Variants in FBXO34 observed in about 807,000 individuals in gnomAD.
FBXO34 encodes F-box only protein 34.
Under a neutral mutation model 24.5 loss-of-function variants are expected in FBXO34, and 12 were observed. The observed-to-expected ratio is 0.49, with a 90% confidence interval of 0.31 to 0.79. The LOEUF is 0.79. Among genes scored for constraint, FBXO34 ranks in the 30% least tolerant of loss-of-function variants. FBXO34 has a pLI of 0.04. For missense variants in FBXO34, 823 were observed against 857.7 expected, an observed-to-expected ratio of 0.96 and a Z score of 0.51; for synonymous variants, 320 against 311.9, an observed-to-expected ratio of 1.03 and a Z score of -0.27.
chr14:55,322,795 A>G (rs1264627772), intron 1 of FBXO34, among the ~76,000 whole-genome samples: 2 of 152,050 alleles, frequency 1.3e-5, no homozygotes, highest in African/African-American at 2.4e-5. Flanking sequence ...GAGTTACCCA[A>G]CTAAGATTAT....
intron 1 of FBXO34, among the ~76,000 whole-genome samples, chr14:55,310,026 C>T (rs1019026411): frequency 1.5e-5 from 2 of 129,710 alleles, no homozygotes; most frequent in Admixed American, 1.5e-4. Flanking sequence ...TTGTCAGAAC[C>T]CTGAAATAGT....
chr14:55,405,167 T>A, the FBXO34 span, among the ~76,000 whole-genome samples: 1 of 152,196 alleles, frequency 6.6e-6, no homozygotes, highest in Admixed American at 6.5e-5. Context: ...TTTGTTCTGC[T>A]GAGTTCAGTA....
chr14:55,323,976 G>A (rs1445150699), intron 1 of FBXO34, among the ~76,000 whole-genome samples: 2 of 152,088 alleles, frequency 1.3e-5, no homozygotes, highest in Non-Finnish European at 2.9e-5. Context: ...CTGGTGTTTA[G>A]TGTATTCACA....
chr14:55,433,310 T>A, the FBXO34 span, among the ~76,000 whole-genome samples: 1 of 13,472 alleles, frequency 7.4e-5, no homozygotes. Flanking sequence ...TAGATTTCTC[T>A]TTTTTTTTTT....
chr14:55,320,521 G>A (rs932147715), intron 1 of FBXO34, among the ~76,000 whole-genome samples: 2 of 152,204 alleles, frequency 1.3e-5, no homozygotes, highest in African/African-American at 2.4e-5. Flanking sequence ...GGAGGCTGAG[G>A]CGGGCAGATC....
At chr14:55,368,635 G>A (rs957345651), downstream of FBXO34, 5 of 151,854 alleles carry the variant, frequency 3.3e-5, no homozygotes, top group African/African-American at 1.2e-4. Flanking sequence ...CAAAGAGTTC[G>A]GGGAAACAAG....
the FBXO34 span, among the ~76,000 whole-genome samples, chr14:55,421,716 A>G: frequency 1.3e-5 from 2 of 152,074 alleles, no homozygotes; most frequent in African/African-American, 2.4e-5. Flanking sequence ...GCTTGCCTCA[A>G]TTTCCCAAAG....
downstream of FBXO34, among the ~76,000 whole-genome samples, chr14:55,370,412 T>C (rs542398462): frequency 9.1e-4 from 138 of 152,136 alleles, no homozygotes; most frequent in Middle Eastern, 0.01. Flanking sequence ...TCACCACAAT[T>C]TTCTAGGACA....
the FBXO34 span, chr14:55,397,551 G>C: frequency 1.2e-6 from 1 of 807,400 alleles, no homozygotes; most frequent in South Asian, 1.5e-5. Flanking sequence ...TCATTGTCCT[G>C]ATAGTAAATA....
chr14:55,323,268 T>A (rs1251394518), intron 1 of FBXO34, among the ~76,000 whole-genome samples: 1 of 135,680 alleles, frequency 7.4e-6, no homozygotes, highest in Non-Finnish European at 1.5e-5. Flanking sequence ...GTCTCACTTA[T>A]GTTGCCCAAG....
At chr14:55,380,875 A>ATATATATATTTTTTTT in the FBXO34 span, among the ~76,000 whole-genome samples, 753 of 112,414 alleles carry the variant, frequency 6.7e-3, 4 homozygotes, top group Non-Finnish European at 0.011. Context: ...ATATATATAT[A>ATATATATATTTTTTTT]TTTTTTTTTT....
chr14:55,381,282 A>G, the FBXO34 span, among the ~76,000 whole-genome samples: 1 of 152,256 alleles, frequency 6.6e-6, no homozygotes, highest in Non-Finnish European at 1.5e-5. Context: ...CGAAATGAAC[A>G]AAGAATCTTT....
At chr14:55,336,939 G>C (rs1035122045) in intron 1 of FBXO34, among the ~76,000 whole-genome samples, 1 of 150,436 alleles carries the variant, frequency 6.6e-6, no homozygotes, top group African/African-American at 2.4e-5. Context: ...CCTATGTGGT[G>C]TGTTTGGTTG....
the FBXO34 span, among the ~76,000 whole-genome samples, chr14:55,437,426 C>T: frequency 5.9e-5 from 9 of 152,308 alleles, no homozygotes; most frequent in South Asian, 1.2e-3. Context: ...TGCAGTGAGT[C>T]GAGATCATGC....
chr14:55,406,036 A>T, the FBXO34 span, among the ~76,000 whole-genome samples: 3 of 152,222 alleles, frequency 2.0e-5, no homozygotes, highest in Admixed American at 6.5e-5. Context: ...CGACAAAAAA[A>T]TAATGAGTTT....
downstream of FBXO34, among the ~76,000 whole-genome samples, chr14:55,363,189 A>ATTT (rs577527169): frequency 3.7e-4 from 51 of 137,514 alleles, no homozygotes; most frequent in South Asian, 7.0e-4. Context: ...CGCCTGGCTA[A>ATTT]TTTTTTTTTT....
At chr14:55,349,610 T>TTC (rs1555339677) in intron 1 of FBXO34, among the ~76,000 whole-genome samples, 35 of 146,428 alleles carry the variant, frequency 2.4e-4, no homozygotes, top group African/African-American at 8.3e-4. Context: ...TAATTTTCTT[T>TTC]TTTTTTTTTT....
the FBXO34 span, among the ~76,000 whole-genome samples, chr14:55,430,260 A>G: frequency 1.3e-5 from 2 of 152,132 alleles, no homozygotes; most frequent in Non-Finnish European, 2.9e-5. Context: ...AAGAAAAGCC[A>G]GTTTGAACTT....
At chr14:55,289,120 GTGAAAATGTTTTCT>G (rs1162597410) in intron 1 of FBXO34, among the ~76,000 whole-genome samples, 1 of 151,966 alleles carries the variant, frequency 6.6e-6, no homozygotes, top group Non-Finnish European at 1.5e-5. Context: ...TCTCTTTTTG[GTGAAAATGTTTTCT>G]TGCCCTTTTC....
Sources: gnomAD v4.1 joint callset for allele counts (sites outside exome capture counted in the v4.1 genomes callset) on GRCh38, gnomAD v4.1.1 for gene constraint, MANE v1.5 for transcripts, NCBI Gene and HGNC (gene_info 2026-07-23, HGNC 2026-07-21) for gene names.